The following APBB2 variants were observed in gnomAD, a reference collection of about 807,000 sequenced individuals.
APBB2 encodes Fe65-like 1.
A neutral mutation model predicts 82.5 loss-of-function variants in APBB2; 38 were observed. The observed-to-expected ratio is 0.46, with a 90% CI of 0.36 to 0.60. The LOEUF is 0.60. Ranked by LOEUF, APBB2 falls within the 20% of genes least tolerant of loss-of-function variation. APBB2 has a pLI of 0.00. For missense variants in APBB2, 772 were observed against 972.3 expected, an observed-to-expected ratio of 0.79 and a Z score of 2.74; for synonymous variants, 341 against 368.2, an observed-to-expected ratio of 0.93 and a Z score of 0.85.
At chr4:40,992,635 T>C (rs140279218) in intron 6 of APBB2, among the ~76,000 whole-genome samples, 107 of 152,246 alleles carry the variant, frequency 7.0e-4, no homozygotes, top group Middle Eastern at 3.4e-3. Flanking sequence ...CAATGAGGTG[T>C]GTGAAATGAC....
chr4:41,109,767 G>A (rs1748538669), intron 2 of APBB2, among the ~76,000 whole-genome samples: 1 of 152,138 alleles, frequency 6.6e-6, no homozygotes, highest in Non-Finnish European at 1.5e-5. Context: ...ACTGCGCCTG[G>A]CCAAGAAAGC....
chr4:41,079,589 G>A (rs566147954), intron 3 of APBB2, among the ~76,000 whole-genome samples: 12 of 144,954 alleles, frequency 8.3e-5, no homozygotes, highest in African/African-American at 2.3e-4. Context: ...TCGTTCTGTC[G>A]CCAGGCTGGA....
chr4:41,025,849 T>A (rs1427543981), intron 5 of APBB2, among the ~76,000 whole-genome samples: 1 of 76,642 alleles, frequency 1.3e-5, no homozygotes, highest in Non-Finnish European at 2.4e-5. Context: ...GAAGCTGGGA[T>A]GGTGGGGGGT....
chr4:41,145,531 G>T (rs1352952261), intron 1 of APBB2, among the ~76,000 whole-genome samples: 1 of 152,176 alleles, frequency 6.6e-6, no homozygotes, highest in African/African-American at 2.4e-5. Context: ...TGAAACGCAT[G>T]CAGGAGAAAA....
intron 13 of APBB2, among the ~76,000 whole-genome samples, chr4:40,829,803 G>A (rs903422802): frequency 8.5e-5 from 13 of 152,154 alleles, no homozygotes; most frequent in African/African-American, 3.1e-4. Context: ...GGTTAAGGAA[G>A]TCTCACTAGC....
At chr4:40,940,317 C>T (rs758487284) in intron 7 of APBB2, among the ~76,000 whole-genome samples, 1 of 152,172 alleles carries the variant, frequency 6.6e-6, no homozygotes, top group Non-Finnish European at 1.5e-5. Flanking sequence ...GACCTGCTGT[C>T]CTACTTACTC....
chr4:40,813,760 A>G lies in APBB2; in HGVS notation c.*2332T>C, dbSNP rs916082984. The G allele has an allele frequency of 6.6e-6, 1 of 152,226 alleles. No individual in the cohort carries two copies. The highest frequency in any genetic ancestry group is 1.5e-5 in the Non-Finnish European group (1 of 68,048). The allele number at this position is 152,226 out of a possible 1,614,324, so 9.4% of individuals were successfully genotyped here. A position where few individuals can be genotyped will look rare whatever the true frequency, so the allele number is the denominator to read the frequency against. ...GAGGGAGTTCTGGTAGAGATTTCCA[A>G]TATAAAAGTGGGTAATTTGTTTAGA... On this transcript the variant is annotated 3_prime_UTR_variant, in exon 18 of 18. Coordinates refer to ENST00000508593, the MANE Select transcript of APBB2 (RefSeq NM_004307.2).
At chr4:40,991,206 G>A (rs1298261040) in intron 6 of APBB2, among the ~76,000 whole-genome samples, 1 of 117,460 alleles carries the variant, frequency 8.5e-6, no homozygotes, top group East Asian at 2.6e-4. Context: ...TTGTAGAAAT[G>A]AGATCTCACC....
intron 1 of APBB2, among the ~76,000 whole-genome samples, chr4:41,186,393 C>T (rs1162450834): frequency 1.3e-5 from 2 of 152,182 alleles, no homozygotes; most frequent in Non-Finnish European, 2.9e-5. Flanking sequence ...ATTCACTTGT[C>T]TGGTATGCAC....
intron 1 of APBB2, among the ~76,000 whole-genome samples, chr4:41,162,054 C>T (rs1765301693): frequency 6.6e-6 from 1 of 152,096 alleles, no homozygotes. Flanking sequence ...CTTTCATCCA[C>T]AAATATTTCA....
intron 2 of APBB2, among the ~76,000 whole-genome samples, chr4:41,141,684 T>C (rs1848371): frequency 0.98 from 148,954 of 152,362 alleles, 72,815 homozygotes; most frequent in East Asian, 1. Flanking sequence ...TTAAGTTCCA[T>C]GTGGCTGGGG....
intron 1 of APBB2, among the ~76,000 whole-genome samples, chr4:41,161,790 TC>T (rs992409437): frequency 1.2e-4 from 18 of 152,078 alleles, no homozygotes; most frequent in Admixed American, 7.2e-4. Context: ...CCTCCCAAAT[TC>T]CAGTGTAAAG....
intron 12 of APBB2, chr4:40,881,356 C>A (rs1437973294): frequency 1.0e-6 from 1 of 984,958 alleles, no homozygotes; most frequent in Admixed American, 6.2e-5. Flanking sequence ...CAGAGAATCC[C>A]CTACTAGATG....
intron 6 of APBB2, chr4:40,990,115 A>T (rs1052030823): frequency 6.6e-6 from 1 of 152,200 alleles, no homozygotes; most frequent in Non-Finnish European, 1.5e-5. Context: ...GTATATACAG[A>T]CAGTGGAATA....
intron 12 of APBB2, among the ~76,000 whole-genome samples, chr4:40,886,377 G>A (rs1487912228): frequency 6.6e-6 from 1 of 152,178 alleles, no homozygotes. Flanking sequence ...CTACTTGGGA[G>A]GCTGAGGCAG....
At chr4:40,870,314 C>T (rs549479108) in intron 12 of APBB2, among the ~76,000 whole-genome samples, 2 of 152,300 alleles carry the variant, frequency 1.3e-5, no homozygotes, top group Middle Eastern at 6.8e-3. Context: ...GGACAACATT[C>T]TCTTCTGAGT....
In APBB2 at chr4:41,043,013, G is replaced by A. The variant is rs80243754; in HGVS notation, c.-50-9709C>T. Reference sequence around the variant, plus strand: ...TAATGCTATGTGAGGATCCTGCGGGGGGAATCTATTTTTTATTTTTTTCTT... The same window carrying A: ...TAATGCTATGTGAGGATCCTGCGGGAGGAATCTATTTTTTATTTTTTTCTT... On this transcript the variant is annotated intron_variant, in intron 4 of 17. Coordinates refer to ENST00000508593, the MANE Select transcript of APBB2 (RefSeq NM_004307.2). Among the ~76,000 whole-genome samples the A allele has an allele frequency of 6.7e-3, 1,014 of 152,254 alleles. 14 individuals are homozygous for A. The highest frequency in any genetic ancestry group is 0.022 in the African/African-American group (903 of 41,546).
At chr4:40,989,224 C>T (rs376777752) in intron 6 of APBB2, among the ~76,000 whole-genome samples, 2 of 152,164 alleles carry the variant, frequency 1.3e-5, no homozygotes, top group East Asian at 1.9e-4. Flanking sequence ...CTATACTTTT[C>T]AGTGGCTTGG....
In APBB2 at chr4:40,993,385, T is replaced by TA. The variant is rs1402239416; in HGVS notation, c.835+20197dup. 4.5e-3 allele frequency among the ~76,000 whole-genome samples: 668 copies of TA among 148,044 alleles called. 10 individuals carry two copies. The highest frequency in any genetic ancestry group is 0.015 in the African/African-American group (592 of 39,850). Reference sequence around the variant, plus strand: ...TCTTTTTTTTTTTTTTTTTTTTTTTTAACAAAAATGTTTTTTGAGACAGGG... The same window carrying TA: ...TCTTTTTTTTTTTTTTTTTTTTTTTTAAACAAAAATGTTTTTTGAGACAGGG... On this transcript the variant is annotated intron_variant, in intron 6 of 17. Transcript: ENST00000508593.
Sources: allele counts gnomAD v4.1 joint callset (sites outside exome capture counted in the v4.1 genomes callset), GRCh38; gene constraint gnomAD v4.1.1; transcripts MANE v1.5; gene names NCBI Gene and HGNC (gene_info 2026-07-23, HGNC 2026-07-21).